Variants in KLRG1 observed in about 807,000 individuals in gnomAD.
The protein encoded by KLRG1 is killer cell lectin like receptor G1.
In KLRG1, 16 loss-of-function variants were observed where a neutral mutation model predicts 21.8. The ratio of observed to expected loss-of-function variants is 0.73; its 90% CI spans 0.50 to 1.11. The LOEUF is 1.11. Among genes scored for constraint, KLRG1 ranks in the 50% most tolerant of loss-of-function variants. The probability of loss-of-function intolerance (pLI) is 0.00; values close to 1 mark genes in which losing one functional copy is unlikely to be tolerated. For missense variants in KLRG1, 173 were observed against 218.3 expected (o/e 0.79, Z 1.31); for synonymous variants, 69 against 75.9 (o/e 0.91, Z 0.47).
At chr12:9,048,274 A>T in the KLRG1 span, among the ~76,000 whole-genome samples, 3 of 152,216 alleles carry the variant, frequency 2.0e-5, no homozygotes, top group African/African-American at 7.2e-5. Flanking sequence ...AATGACATAT[A>T]GGCCCAAGAA....
chr12:9,057,020 A>C, the KLRG1 span, among the ~76,000 whole-genome samples: 1 of 151,678 alleles, frequency 6.6e-6, no homozygotes, highest in Admixed American at 6.6e-5. Context: ...TCTACGTAAA[A>C]CTCTTGGTAC....
the KLRG1 span, among the ~76,000 whole-genome samples, chr12:9,018,463 AG>A: frequency 1.3e-5 from 2 of 152,212 alleles, no homozygotes; most frequent in African/African-American, 4.8e-5. Flanking sequence ...AGAACTCATA[AG>A]TAAATCCATA....
At chr12:9,157,551 G>T in the KLRG1 span, among the ~76,000 whole-genome samples, 2 of 152,206 alleles carry the variant, frequency 1.3e-5, no homozygotes, top group Non-Finnish European at 2.9e-5. Flanking sequence ...TAAGACTAGA[G>T]AACCTGTTTT....
the KLRG1 span, among the ~76,000 whole-genome samples, chr12:9,138,631 G>A: frequency 0.39 from 59,855 of 151,598 alleles, 12,233 homozygotes; most frequent in African/African-American, 0.45. Flanking sequence ...CTGATCCTGG[G>A]TTTTTATTTG....
At chr12:9,062,580 A>G in the KLRG1 span, among the ~76,000 whole-genome samples, 1 of 132,710 alleles carries the variant, frequency 7.5e-6, no homozygotes, top group Non-Finnish European at 1.7e-5. Flanking sequence ...ATACATATAC[A>G]TTTATATATA....
intron 1 of KLRG1, among the ~76,000 whole-genome samples, chr12:8,952,946 T>G (rs1475894624): frequency 6.6e-6 from 1 of 152,180 alleles, no homozygotes; most frequent in African/African-American, 2.4e-5. Flanking sequence ...ACTGGCCACT[T>G]GTTTTGTAGA....
At chr12:9,002,346 G>A (rs2137396869) in intron 3 of KLRG1, among the ~76,000 whole-genome samples, 1 of 152,084 alleles carries the variant, frequency 6.6e-6, no homozygotes, top group East Asian at 1.9e-4. Context: ...AAGTGTATGT[G>A]GAAGGTATAA....
chr12:8,989,438 G>A (rs766449731), upstream of KLRG1: 43 of 503,576 alleles, frequency 8.5e-5, no homozygotes, highest in Non-Finnish European at 1.5e-4. Context: ...AGTGTCATGG[G>A]GCAAAAAAAT....
At chr12:8,964,170 T>C (rs12424258) in intron 1 of KLRG1, among the ~76,000 whole-genome samples, 54,092 of 152,078 alleles carry the variant, frequency 0.36, 11,044 homozygotes, top group Middle Eastern at 0.46. Flanking sequence ...CTTGTGGGCA[T>C]TTAGTGCTAT....
chr12:9,000,049 C>T (rs1382442035), intron 3 of KLRG1, among the ~76,000 whole-genome samples: 2 of 152,050 alleles, frequency 1.3e-5, no homozygotes, highest in Non-Finnish European at 2.9e-5. Flanking sequence ...ACACAAAAAA[C>T]TCAAAAAACA....
the KLRG1 span, chr12:9,109,765 C>G: frequency 8.5e-7 from 1 of 1,174,036 alleles, no homozygotes; most frequent in Non-Finnish European, 1.2e-6. Context: ...AGCCCAATGT[C>G]ACCCATGGGA....
the KLRG1 span, chr12:9,110,173 A>T: frequency 1.8e-6 from 2 of 1,121,198 alleles, no homozygotes; most frequent in South Asian, 3.1e-5. Flanking sequence ...GAGATGAGTT[A>T]TAGCCATCTA....
chr12:9,159,908 T>A, the KLRG1 span: 1 of 1,564,434 alleles, frequency 6.4e-7, no homozygotes, highest in Non-Finnish European at 8.8e-7. Flanking sequence ...GAACTCATAG[T>A]TGAAACTCAG....
At chr12:9,056,882 C>CG in the KLRG1 span, among the ~76,000 whole-genome samples, 1 of 152,170 alleles carries the variant, frequency 6.6e-6, no homozygotes, top group African/African-American at 2.4e-5. Context: ...GACCACTCAA[C>CG]GCTATAGTTC....
the KLRG1 span, chr12:9,095,141 A>G: frequency 1.1e-6 from 1 of 890,932 alleles, no homozygotes; most frequent in Admixed American, 3.0e-5. Context: ...ATACATAGGT[A>G]GCTACTTCTT....
chr12:9,160,971 G>T, the KLRG1 span: 2 of 1,276,740 alleles, frequency 1.6e-6, no homozygotes, highest in Non-Finnish European at 2.3e-6. Flanking sequence ...ATACAAATAC[G>T]TAGATAAGAT....
chr12:9,101,610 GC>G, the KLRG1 span: 1 of 1,613,986 alleles, frequency 6.2e-7, no homozygotes, highest in Non-Finnish European at 8.5e-7. Flanking sequence ...AGTGTGATGT[GC>G]CTCTTCGTGT....
At chr12:9,197,917 T>C in the KLRG1 span, among the ~76,000 whole-genome samples, 1 of 128,686 alleles carries the variant, frequency 7.8e-6, no homozygotes, top group Non-Finnish European at 1.6e-5. Flanking sequence ...TTATATTATA[T>C]ATTATATAAG....
the KLRG1 span, among the ~76,000 whole-genome samples, chr12:9,107,370 T>G: frequency 2.6e-5 from 4 of 152,242 alleles, no homozygotes; most frequent in African/African-American, 9.6e-5. Context: ...ATTCCCATTG[T>G]GCTAAGTTCA....
Sources: gnomAD v4.1 joint callset for allele counts (sites outside exome capture counted in the v4.1 genomes callset) on GRCh38, gnomAD v4.1.1 for gene constraint, MANE v1.5 for transcripts, NCBI Gene and HGNC (gene_info 2026-07-23, HGNC 2026-07-21) for gene names.